Variants in C8orf76 observed in about 807,000 individuals in gnomAD.
The protein encoded by C8orf76 is chromosome 8 open reading frame 76.
Under a neutral mutation model 38.1 loss-of-function variants are expected in C8orf76, and 46 were observed. The ratio of observed to expected loss-of-function variants is 1.21; its 90% CI spans 0.95 to 1.54. The LOEUF (loss-of-function observed/expected upper bound fraction) is 1.54. C8orf76 is among the 40% of genes most tolerant of loss of function. C8orf76 has a pLI of 0.00. For synonymous variants in C8orf76, 166 were observed against 167.5 expected, an observed-to-expected ratio of 0.99 and a Z score of 0.07; for missense variants, 461 against 441.6, an observed-to-expected ratio of 1.04 and a Z score of -0.39.
chr8:123,226,386 G>C, intron 5 of C8orf76, 114 bp downstream of exon 5: 6 of 1,516,854 alleles, frequency 4.0e-6, no homozygotes, highest in Non-Finnish European at 5.3e-6. Flanking sequence ...CACAGAGGAG[G>C]GAGACAAGTC....
intron 5 of C8orf76, among the ~76,000 whole-genome samples, chr8:123,222,279 C>T (rs916187747): frequency 2.0e-5 from 3 of 152,140 alleles, no homozygotes; most frequent in African/African-American, 4.8e-5. Flanking sequence ...CCACCGCGCC[C>T]GGCAGGCATC....
At chr8:123,238,879 A>G (rs1825587888) in intron 2 of C8orf76, 170 bp downstream of exon 2, 1 of 603,102 alleles carries the variant, frequency 1.7e-6, no homozygotes, top group South Asian at 2.1e-5. Context: ...CAAATCATAC[A>G]GAGCCAAGCA....
chr8:123,239,695 A>C (rs1168742688), intron 1 of C8orf76: 1 of 152,530 alleles, frequency 6.6e-6, no homozygotes, highest in Admixed American at 6.5e-5. Context: ...TTGACTATTG[A>C]ATAAATAACG....
rs1825269093 is a variant in C8orf76 at position 123,231,498 on chromosome 8, G to A, written c.617C>T (p.Pro206Leu). The A allele has an allele frequency of 6.2e-7, 1 of 1,614,186 alleles. No homozygotes were observed. Among genetic ancestry groups the A allele is most frequent in the Non-Finnish European group, 8.5e-7 (1 of 1,180,040 alleles). ...SSDKTIKSFF[P>L]HSGKDCLLCF... ...CAAAAGACAGTCTTTTCCTGAGTGTGGAAAGAAGGATTTGATAGTTTTGTC... is the reference window on the plus strand; with the variant it reads ...CAAAAGACAGTCTTTTCCTGAGTGTAGAAAGAAGGATTTGATAGTTTTGTC... The change falls in exon 4 of 6, where the codon CCA becomes CTA. Residue 206 changes from proline (P) to leucine (L), a missense_variant. By Grantham distance (98) the Pro-to-Leu change is moderately conservative (BLOSUM62 -3). Transcript: ENST00000276704.
At chr8:123,221,842 G>C (rs1303146857) in intron 5 of C8orf76, among the ~76,000 whole-genome samples, 1 of 152,166 alleles carries the variant, frequency 6.6e-6, no homozygotes, top group African/African-American at 2.4e-5. Context: ...CCAGGAGTTG[G>C]AGGCTGCAGT....
chr8:123,241,245 C>G lies in C8orf76; in HGVS notation c.102G>C (p.Lys34Asn). 1 of 1,589,412 alleles carries G rather than the reference C, an allele frequency of 6.3e-7. No individual in the cohort carries two copies. The highest frequency in any genetic ancestry group is 8.5e-7 in the Non-Finnish European group (1 of 1,172,190). Residue 34 changes from lysine (K) to asparagine (N), a missense_variant, in exon 1 of 6, where the codon AAG (lysine) becomes AAC (asparagine). By Grantham distance (94) the Lys-to-Asn change is moderately conservative. Coordinates refer to ENST00000276704, the MANE Select transcript of C8orf76 (RefSeq NM_032847.3). ...AGCTTCTCACCTGCGGCTCGCAGAGCTTGGCGCAGTAGGACGCGGGCGGTC... is the reference window on the plus strand; with the variant it reads ...AGCTTCTCACCTGCGGCTCGCAGAGGTTGGCGCAGTAGGACGCGGGCGGTC... ...RSGPPASYCA[K>N]LCEPQWFYEE...
intron 3 of C8orf76, among the ~76,000 whole-genome samples, chr8:123,235,767 G>C (rs1276354642): frequency 6.6e-6 from 1 of 152,124 alleles, no homozygotes; most frequent in Non-Finnish European, 1.5e-5. Flanking sequence ...AAGCTAGAAG[G>C]AACCAGAGAT....
At position 123,239,033 on chromosome 8, in the gene C8orf76, A is replaced by G. The variant is rs1382113256; in HGVS notation, c.213+16T>C. The G allele has an allele frequency of 9.9e-6, 16 of 1,613,464 alleles. 1 individual carries two copies. The highest frequency in any genetic ancestry group is 6.6e-5 in the South Asian group (6 of 91,066). On this transcript the variant is annotated intron_variant, in intron 2 of 5. Coordinates refer to ENST00000276704, the MANE Select transcript of C8orf76 (RefSeq NM_032847.3). ...AAAACAAGAGCCCACTTCAAGCACC[A>G]TATGTTGAATTCTACCTGATACTCT...
At chr8:123,241,146 C>T in intron 1 of C8orf76, 84 bp downstream of exon 1, 3 of 1,368,268 alleles carry the variant, frequency 2.2e-6, no homozygotes, top group Admixed American at 3.2e-5. Context: ...TTCGCGCGGA[C>T]GGAGGGGCCG....
chr8:123,234,451 A>G (rs1825387177), intron 3 of C8orf76, among the ~76,000 whole-genome samples: 1 of 152,190 alleles, frequency 6.6e-6, no homozygotes, highest in African/African-American at 2.4e-5. Flanking sequence ...CCTGGCCAAC[A>G]TGGTGAAACC....
chr8:123,224,969 G>A (rs1265340142), intron 5 of C8orf76, among the ~76,000 whole-genome samples: 2 of 152,148 alleles, frequency 1.3e-5, no homozygotes, highest in African/African-American at 2.4e-5. Context: ...GGAGGATGTG[G>A]AACTTGGGAG....
chr8:123,236,563 C>T (rs980713577), intron 3 of C8orf76, among the ~76,000 whole-genome samples: 3 of 151,998 alleles, frequency 2.0e-5, no homozygotes, highest in Non-Finnish European at 2.9e-5. Context: ...CCGAGGCGGG[C>T]GGATCACAAG....
rs370984961 is a variant in C8orf76, at chr8:123,231,319, C to T, written c.796G>A (p.Ala266Thr). ...VLIETQLKACASFIRTRLLLQ... is the reference protein window; with the variant it reads ...VLIETQLKACTSFIRTRLLLQ... ...GCTTACCTGGTTCGTATAAAAGAGG[C>T]ACATGCTTTCAGCTGAGTCTCTATC... The change falls in exon 4 of 6, where the codon GCC becomes ACC. Residue 266 changes from alanine to threonine, a missense_variant. By Grantham distance (58) the Ala-to-Thr change is moderately conservative. Coordinates refer to ENST00000276704, the MANE Select transcript of C8orf76 (RefSeq NM_032847.3). The T allele has an allele frequency of 2.5e-5, 40 of 1,610,738 alleles. No individual in the cohort carries two copies. Among genetic ancestry groups the T allele is most frequent in the Non-Finnish European group, 3.3e-5 (39 of 1,178,594 alleles).
In C8orf76 at chr8:123,231,765, GA is replaced by G. The variant is rs3214807; in HGVS notation, c.358-9del. On this transcript the variant is annotated splice_polypyrimidine_tract_variant and intron_variant, in intron 3 of 5. Transcript: ENST00000276704. ...GTTGGTTGCTTTATTTTCCTAAGGA[GA>G]AAAAAAAAAGGTTAAGAAGTTTAAA... The G allele has an allele frequency of 7.1e-4, 982 of 1,379,462 alleles. 1 individual carries two copies. The highest frequency in any genetic ancestry group is 3.2e-3 in the South Asian group (215 of 67,660). The allele number at this position is 1,379,462 out of a possible 1,614,324, so 85.5% of individuals were successfully genotyped here.
chr8:123,225,293 C>CTCA (rs1414655265), intron 5 of C8orf76, among the ~76,000 whole-genome samples: 1 of 152,172 alleles, frequency 6.6e-6, no homozygotes, highest in Non-Finnish European at 1.5e-5. Context: ...AGGAAGTGTT[C>CTCA]TGATGAGTAG....
intron 4 of C8orf76, among the ~76,000 whole-genome samples, chr8:123,227,557 G>C (rs1329905388): frequency 1.3e-5 from 2 of 152,156 alleles, no homozygotes; most frequent in Non-Finnish European, 2.9e-5. Flanking sequence ...GCTTCCTTGA[G>C]ATACCAGGCA....
intron 4 of C8orf76, 118 bp downstream of exon 4, chr8:123,231,182 A>C: frequency 7.6e-7 from 1 of 1,321,726 alleles, no homozygotes; most frequent in South Asian, 1.6e-5. Flanking sequence ...AACCATAGGA[A>C]AATTTCAAAA....
At chr8:123,233,777 C>T (rs556724809) in intron 3 of C8orf76, among the ~76,000 whole-genome samples, 14 of 151,940 alleles carry the variant, frequency 9.2e-5, no homozygotes, top group South Asian at 4.2e-4. Flanking sequence ...ATCTGTAATC[C>T]CAGCACTTTG....
chr8:123,240,308 T>C (rs1825638356), intron 1 of C8orf76, among the ~76,000 whole-genome samples: 1 of 152,136 alleles, frequency 6.6e-6, no homozygotes, highest in Non-Finnish European at 1.5e-5. Flanking sequence ...GAAGGTAACT[T>C]TGAAAGATCG....
Sources: gnomAD v4.1 joint callset for allele counts (sites outside exome capture counted in the v4.1 genomes callset) on GRCh38, gnomAD v4.1.1 for gene constraint, MANE v1.5 for transcripts, NCBI Gene and HGNC (gene_info 2026-07-23, HGNC 2026-07-21) for gene names.